SLC22A2: variants seen among roughly 807,000 people sequenced by gnomAD.
The protein encoded by SLC22A2 is organic cation transporter 2.
Under a neutral mutation model 60.5 loss-of-function variants are expected in SLC22A2, and 46 were observed. The observed-to-expected ratio is 0.76, with a 90% confidence interval of 0.60 to 0.97. The LOEUF (loss-of-function observed/expected upper bound fraction) is 0.97. Among genes scored for constraint, SLC22A2 ranks in the 50% least tolerant of loss-of-function variants. SLC22A2 has a pLI of 0.00. For missense variants in SLC22A2, 701 were observed against 706.6 expected (o/e 0.99, Z 0.09); for synonymous variants, 303 against 267.0 (o/e 1.13, Z -1.31).
At chr6:160,236,084 A>C (rs746555259) in intron 9 of SLC22A2, among the ~76,000 whole-genome samples, 1 of 151,842 alleles carries the variant, frequency 6.6e-6, no homozygotes, top group Admixed American at 6.6e-5. Flanking sequence ...CTGCCCTAAG[A>C]CTTTACCATC....
At position 160,242,354 on chromosome 6, in the gene SLC22A2, A is replaced by T. The variant is rs1170693370; in HGVS notation, c.1328T>A (p.Ile443Asn). The T allele has an allele frequency of 2.5e-6, 4 of 1,610,676 alleles. No homozygotes were observed. Among genetic ancestry groups the T allele is most frequent in the East Asian group, 4.5e-5 (2 of 44,884 alleles). ...GCAGACTATCTCATAGGCCATTGTG[A>T]TCCCCATTCTTCCCAAGCATGAGAT... ...IIISCLGRMG[I>N]TMAYEIVCLV... The change falls in exon 8 of 11, where the codon ATC becomes AAC. Residue 443 changes from isoleucine to asparagine, a missense_variant. By Grantham distance (149) the Ile-to-Asn change is moderately radical. Coordinates refer to ENST00000366953, the MANE Select transcript of SLC22A2 (RefSeq NM_003058.4).
chr6:160,255,730 A>G (rs772839228), intron 2 of SLC22A2, among the ~76,000 whole-genome samples: 1 of 152,220 alleles, frequency 6.6e-6, no homozygotes, highest in African/African-American at 2.4e-5. Context: ...AAAACACTCA[A>G]TAAACGGTGT....
Position 160,250,681 on chromosome 6 carries a change from G to A in SLC22A2, c.540C>T (p.Leu180=). The change falls in exon 3 of 11, where the codon CTC becomes CTT. Residue 180 remains leucine, a synonymous_variant. Transcript: ENST00000366953. ...CAGCATTTATGAGGACTGTAGTTAG[G>A]AGGCAGAGCTTACGGCCAAACCTGC... ...IADRFGRKLC[L]LTTVLINAAA... The A allele has an allele frequency of 6.2e-7, 1 of 1,614,090 alleles. No individual in the cohort carries two copies. Among genetic ancestry groups the A allele is most frequent in the Non-Finnish European group, 8.5e-7 (1 of 1,179,938 alleles).
At chr6:160,231,939 C>T (rs1028058856) in intron 9 of SLC22A2, among the ~76,000 whole-genome samples, 4 of 151,970 alleles carry the variant, frequency 2.6e-5, no homozygotes, top group African/African-American at 9.7e-5. Context: ...GCCCTTTTAT[C>T]CAAACAACTT....
intron 9 of SLC22A2, among the ~76,000 whole-genome samples, chr6:160,235,096 C>T (rs1158763765): frequency 6.6e-6 from 1 of 152,178 alleles, no homozygotes; most frequent in Non-Finnish European, 1.5e-5. Flanking sequence ...GAGGAGACAT[C>T]ACAGACCTCC....
chr6:160,241,665 CTT>C, intron 8 of SLC22A2, 79 bp from the exon 9 acceptor site: 1 of 869,316 alleles, frequency 1.2e-6, no homozygotes, highest in East Asian at 2.5e-5. Flanking sequence ...TGAATAAACA[CTT>C]CCTCAAATAA....
chr6:160,243,104 C>A (rs895004284), intron 7 of SLC22A2, among the ~76,000 whole-genome samples: 3 of 152,250 alleles, frequency 2.0e-5, no homozygotes, highest in Admixed American at 1.3e-4. Flanking sequence ...TTCTCTTATC[C>A]AGGTATTTGT....
chr6:160,241,362 G>A (rs1243429794), intron 9 of SLC22A2, 112 bp downstream of exon 9: 1 of 664,406 alleles, frequency 1.5e-6, no homozygotes, highest in East Asian at 2.7e-5. Flanking sequence ...ACTATGAGTA[G>A]TAATTAGTAG....
intron 7 of SLC22A2, among the ~76,000 whole-genome samples, chr6:160,243,116 C>T (rs932063411): frequency 2.6e-5 from 4 of 152,154 alleles, no homozygotes; most frequent in African/African-American, 9.7e-5. Context: ...GGTATTTGTT[C>T]CCCTTCGTTG....
intron 10 of SLC22A2, among the ~76,000 whole-genome samples, chr6:160,221,733 G>A (rs1177392926): frequency 2.6e-5 from 4 of 152,210 alleles, no homozygotes; most frequent in African/African-American, 9.7e-5. Context: ...AATGCTCAGT[G>A]TGTGGAACAG....
intron 9 of SLC22A2, among the ~76,000 whole-genome samples, chr6:160,232,794 C>T (rs964815273): frequency 2.6e-5 from 4 of 151,880 alleles, no homozygotes; most frequent in African/African-American, 9.7e-5. Flanking sequence ...CAACTTCTAT[C>T]CCTCACGGCA....
intron 10 of SLC22A2, among the ~76,000 whole-genome samples, chr6:160,223,269 A>C (rs1339086373): frequency 3.3e-5 from 5 of 152,346 alleles, no homozygotes; most frequent in African/African-American, 1.2e-4. Context: ...CATATGGTCC[A>C]AAATTCAAAA....
At chr6:160,251,755 T>C (rs1283462488) in intron 2 of SLC22A2, among the ~76,000 whole-genome samples, 1 of 152,252 alleles carries the variant, frequency 6.6e-6, no homozygotes, top group Non-Finnish European at 1.5e-5. Flanking sequence ...TGGATAAACA[T>C]TGTTTAATTG....
rs573546271 is a variant in SLC22A2, at chr6:160,255,261, C to T, written c.518+1353G>A. Reference sequence around the variant, plus strand: ...AACCATGGGTGATGGATGAGGTGCACGTGGCCTGTGCCTCCACTTTTATCC... The same window carrying T: ...AACCATGGGTGATGGATGAGGTGCATGTGGCCTGTGCCTCCACTTTTATCC... On this transcript the variant is annotated intron_variant, in intron 2 of 10. Transcript: ENST00000366953. Among the ~76,000 whole-genome samples the T allele has an allele frequency of 1.7e-4, 24 of 141,676 alleles. No homozygotes were observed. The East Asian group carries it at 4.5e-3, about 27-fold the overall frequency. 92.9% of individuals were successfully genotyped at this position (141,676 alleles called of 152,430 possible).
rs758763895 is a variant in SLC22A2, at chr6:160,249,410, T to C, written c.674-26A>G. 9 of 1,593,966 alleles carry C rather than the reference T, an allele frequency of 5.6e-6. No individual in the cohort carries two copies. The African/African-American group carries it at 1.2e-4, about 21-fold the overall frequency. On this transcript the variant is annotated intron_variant, in intron 3 of 10. Transcript: ENST00000366953. ...CTGCAGAGAGAATTTGAATGGTTAA[T>C]GCAATTCAATACAATAATGAGTTGG...
Position 160,242,411 on chromosome 6 carries a change from G to A in SLC22A2, c.1280-9C>T, listed in dbSNP as rs201862339. On this transcript the variant is annotated splice_polypyrimidine_tract_variant and intron_variant, in intron 7 of 10. Transcript: ENST00000366953. ...TTTTAGCCATTGTAGATCTAAGAGG[G>A]AAAAGAACAGTACTTATCCGTACAC... The A allele has an allele frequency of 7.5e-5, 105 of 1,391,950 alleles. No individual in the cohort carries two copies. Among genetic ancestry groups the A allele is most frequent in the Non-Finnish European group, 2.1e-5 (21 of 977,294 alleles). 86.2% of individuals were successfully genotyped at this position (1,391,950 alleles called of 1,614,324 possible).
In SLC22A2 at chr6:160,236,543, T is replaced by A. The variant is rs561332373; in HGVS notation, c.1501+4931A>T. ...ACTTATGGCAATATAGTTATTTGCA[T>A]AAGTGCAATAAGAATCTGTTTTCTT... is the stretch of plus-strand genomic sequence containing the variant. On this transcript the variant is annotated intron_variant, in intron 9 of 10. Transcript: ENST00000366953. 1.5e-4 allele frequency among the ~76,000 whole-genome samples: 23 copies of A among 152,328 alleles called. 1 individual carries two copies. The South Asian group carries it at 4.8e-3, about 32-fold the overall frequency.
At chr6:160,239,853 T>C (rs763321736) in intron 9 of SLC22A2, among the ~76,000 whole-genome samples, 32 of 152,224 alleles carry the variant, frequency 2.1e-4, no homozygotes, top group Non-Finnish European at 3.5e-4. Flanking sequence ...TCATTGCATC[T>C]GTTTTGCAGG....
At chr6:160,218,961 C>T (rs62639069) in intron 10 of SLC22A2, among the ~76,000 whole-genome samples, 72 of 2,332 alleles carry the variant, frequency 0.031, no homozygotes, top group South Asian at 0.045. Context: ...GCAACAGCAG[C>T]AGCAGCAGCA....
Sources: allele counts gnomAD v4.1 joint callset (sites outside exome capture counted in the v4.1 genomes callset), GRCh38; gene constraint gnomAD v4.1.1; transcripts MANE v1.5; gene names NCBI Gene and HGNC (gene_info 2026-07-23, HGNC 2026-07-21).